Variants in PCDHGA8 observed in about 807,000 individuals in gnomAD.
PCDHGA8 encodes the protein protocadherin gamma-A8.
In PCDHGA8, 45 loss-of-function variants were observed where a neutral mutation model predicts 59.2. The observed-to-expected ratio is 0.76, with a 90% CI of 0.60 to 0.98. The LOEUF (loss-of-function observed/expected upper bound fraction) is 0.98, where lower values mean the gene tolerates loss of function less well. Among genes scored for constraint, PCDHGA8 ranks in the 50% least tolerant of loss-of-function variants. PCDHGA8 has a pLI of 0.00. For missense variants in PCDHGA8, 1,257 were observed against 1,196.2 expected (o/e 1.05, Z -0.75); for synonymous variants, 531 against 519.0 (o/e 1.02, Z -0.32).
rs748828282 is a variant in PCDHGA8 at position 141,491,412 on chromosome 5, C to T, written c.2425-3395C>T. The T allele has an allele frequency of 3.1e-6, 5 of 1,613,944 alleles. No homozygotes were observed. The African/African-American group carries it at 5.3e-5, about 17-fold the overall frequency. Reference sequence around the variant, plus strand: ...GCCTTCAGGGAAACGCAGACGGGGACGGGGGTGGAGGGCAGTGCTGCAGGC... The same window carrying T: ...GCCTTCAGGGAAACGCAGACGGGGATGGGGGTGGAGGGCAGTGCTGCAGGC... On this transcript the variant is annotated intron_variant, in intron 1 of 3. Coordinates refer to ENST00000398604, the MANE Select transcript of PCDHGA8 (RefSeq NM_032088.2). The surrounding 1 kb of genome is among the most constrained non-coding windows in gnomAD (Gnocchi z 6.9).
Position 141,494,842 on chromosome 5 carries a change from G to A in PCDHGA8, c.2460G>A (p.Gln820=). 1 of 1,614,116 alleles carries A rather than the reference G, an allele frequency of 6.2e-7. No homozygotes were observed. Among genetic ancestry groups the A allele is most frequent in the Non-Finnish European group, 8.5e-7 (1 of 1,180,018 alleles). The change falls in exon 2 of 4, where the codon CAG becomes CAA. Residue 820 remains glutamine, a synonymous_variant. Coordinates refer to ENST00000398604, the MANE Select transcript of PCDHGA8 (RefSeq NM_032088.2). ...APPNTDWRFS[Q]AQRPGTSGSQ... is the part of the protein sequence containing the mutation. ...CCAACACGGACTGGCGTTTCTCTCA[G>A]GCCCAGAGACCCGGCACCAGCGGGT... is the stretch of plus-strand genomic sequence containing the variant.
intron 1 of PCDHGA8, among the ~76,000 whole-genome samples, chr5:141,463,896 T>C (rs982611169): frequency 2.0e-5 from 3 of 152,192 alleles, no homozygotes; most frequent in African/African-American, 7.2e-5. Flanking sequence ...CCTTGCTTTT[T>C]GTACTAATAA....
intron 1 of PCDHGA8, chr5:141,404,311 T>G (rs746092761): frequency 1.9e-6 from 3 of 1,613,924 alleles, no homozygotes. Flanking sequence ...CTGCTTTCTC[T>G]CAAGCCTCCT....
rs1414835001 is a variant in PCDHGA8 at position 141,476,225 on chromosome 5, A to T, written c.2425-18582A>T. 1.2e-6 allele frequency: 2 copies of T among 1,613,882 alleles called. No individual in the cohort carries two copies. Among genetic ancestry groups the T allele is most frequent in the Non-Finnish European group, 1.7e-6 (2 of 1,180,012 alleles). ...GGCTTCCACGGTCATTCACTATGAG[A>T]TCCCGGAGGAAAGAGAGAAGGGTTT... On this transcript the variant is annotated intron_variant, in intron 1 of 3. Transcript: ENST00000398604. This position sits in a 1 kb window ranked among gnomAD's most constrained non-coding sequence, Gnocchi z 7.6.
Position 141,489,560 on chromosome 5 carries a change from A to C in PCDHGA8, c.2425-5247A>C, listed in dbSNP as rs749076412. On this transcript the variant is annotated intron_variant, in intron 1 of 3. Coordinates refer to ENST00000398604, the MANE Select transcript of PCDHGA8 (RefSeq NM_032088.2). This position sits in a 1 kb window ranked among gnomAD's most constrained non-coding sequence, Gnocchi z 4.5. Reference sequence around the variant, plus strand: ...AGCACCAGCTGCCTGCTGCCAGTGCAGGTGGTGACTGAACACCCCCTGGAG... The same window carrying C: ...AGCACCAGCTGCCTGCTGCCAGTGCCGGTGGTGACTGAACACCCCCTGGAG... 2 of 1,614,142 alleles carry C rather than the reference A, an allele frequency of 1.2e-6. No individual in the cohort carries two copies. Among genetic ancestry groups the C allele is most frequent in the Admixed American group, 3.3e-5 (2 of 60,024 alleles).
In PCDHGA8 at chr5:141,486,828, G is replaced by T. The variant is rs140257646; in HGVS notation, c.2425-7979G>T. ...CCCCTTAGCAGCACTGTAACAGTTC[G>T]TCTATTTGTGCTGGACCTCAATGAC... On this transcript the variant is annotated intron_variant, in intron 1 of 3. Coordinates refer to ENST00000398604, the MANE Select transcript of PCDHGA8 (RefSeq NM_032088.2). This position sits in a 1 kb window ranked among gnomAD's most constrained non-coding sequence, Gnocchi z 5.0. The T allele has an allele frequency of 8.7e-6, 14 of 1,614,218 alleles. No homozygotes were observed. The highest frequency in any genetic ancestry group is 1.2e-5 in the Non-Finnish European group (14 of 1,180,042).
rs2099615817 is a variant in PCDHGA8 at position 141,485,564 on chromosome 5, C to G, written c.2425-9243C>G. On this transcript the variant is annotated intron_variant, in intron 1 of 3. Coordinates refer to ENST00000398604, the MANE Select transcript of PCDHGA8 (RefSeq NM_032088.2). This position sits in a 1 kb window ranked among gnomAD's most constrained non-coding sequence, Gnocchi z 5.7. ...GATCGTAGATGTGAATGATCACGCCCCCCGTTTTCCGCGGCAGCAGCTGGA... is the reference window on the plus strand; with the variant it reads ...GATCGTAGATGTGAATGATCACGCCGCCCGTTTTCCGCGGCAGCAGCTGGA... 6.2e-7 allele frequency: 1 copy of G among 1,612,958 alleles called. No individual in the cohort carries two copies. The highest frequency in any genetic ancestry group is 8.5e-7 in the Non-Finnish European group (1 of 1,179,052).
rs578223384 is a variant in PCDHGA8, at chr5:141,400,070, C to A, written c.2424+4833C>A. 4 of 1,613,804 alleles carry A rather than the reference C, an allele frequency of 2.5e-6. No individual in the cohort carries two copies. The African/African-American group carries it at 4.0e-5, about 16-fold the overall frequency. On this transcript the variant is annotated intron_variant, in intron 1 of 3. Transcript: ENST00000398604. ...GTTGCTGTGCGTGATGGTGGACAGC[C>A]GCCACTCTCCGCCACCGCCACGCTG...
At chr5:141,509,887 T>C (rs138950510) in intron 3 of PCDHGA8, among the ~76,000 whole-genome samples, 1 of 152,314 alleles carries the variant, frequency 6.6e-6, no homozygotes, top group East Asian at 1.9e-4. Flanking sequence ...TGATGGTGAC[T>C]GACTGTCCCT....
chr5:141,426,590 C>T (rs2096945493), intron 1 of PCDHGA8: 1 of 369,282 alleles, frequency 2.7e-6, no homozygotes, highest in East Asian at 7.4e-5. Context: ...TCCTCTGTGT[C>T]ATACCCTTAG....
chr5:141,431,553 A>T lies in PCDHGA8; in HGVS notation c.2424+36316A>T, dbSNP rs762863300. On this transcript the variant is annotated intron_variant, in intron 1 of 3. Coordinates refer to ENST00000398604, the MANE Select transcript of PCDHGA8 (RefSeq NM_032088.2). The surrounding 1 kb of genome is among the most constrained non-coding windows in gnomAD (Gnocchi z 4.8). Reference sequence around the variant, plus strand: ...TTGGGCACGCAGCTGCTTGTAGTCAACGCTACCGACCCTGACGAAGGAGTC... The same window carrying T: ...TTGGGCACGCAGCTGCTTGTAGTCATCGCTACCGACCCTGACGAAGGAGTC... The T allele has an allele frequency of 1.1e-5, 18 of 1,613,994 alleles. 1 individual carries two copies. Among genetic ancestry groups the T allele is most frequent in the Non-Finnish European group, 3.4e-6 (4 of 1,180,028 alleles).
At chr5:141,396,119 A>T (rs1190344282) in intron 1 of PCDHGA8, 1 of 152,250 alleles carries the variant, frequency 6.6e-6, no homozygotes, top group Non-Finnish European at 1.5e-5. Flanking sequence ...CCAATGTTTC[A>T]GGTACACAAG....
intron 1 of PCDHGA8, chr5:141,403,090 C>T (rs2094352394): frequency 6.2e-7 from 1 of 1,614,068 alleles, no homozygotes; most frequent in Non-Finnish European, 8.5e-7. Context: ...ATATTGTGGG[C>T]AACATCTCCA....
rs768132114 is a variant in PCDHGA8 at position 141,489,845 on chromosome 5, G to A, written c.2425-4962G>A. 5 of 1,614,188 alleles carry A rather than the reference G, an allele frequency of 3.1e-6. No homozygotes were observed. The highest frequency in any genetic ancestry group is 2.2e-5 in the South Asian group (2 of 91,088). On this transcript the variant is annotated intron_variant, in intron 1 of 3. Transcript: ENST00000398604. This position sits in a 1 kb window ranked among gnomAD's most constrained non-coding sequence, Gnocchi z 4.5. ...CTGGTGCTAGAGCAGCAGCTGGATC[G>A]TGAAGCCCAGGCAAGACATCAGCTG...
At position 141,487,670 on chromosome 5, in the gene PCDHGA8, T is replaced by C. The variant is rs2099658277; in HGVS notation, c.2425-7137T>C. 2 of 1,612,302 alleles carry C rather than the reference T, an allele frequency of 1.2e-6. No homozygotes were observed. Among genetic ancestry groups the C allele is most frequent in the Non-Finnish European group, 1.7e-6 (2 of 1,179,082 alleles). On this transcript the variant is annotated intron_variant, in intron 1 of 3. Transcript: ENST00000398604. The surrounding 1 kb of genome is among the most constrained non-coding windows in gnomAD (Gnocchi z 5.0). The stretch of plus-strand genomic sequence containing the variant: ...TGAGGGTTATTCTGATCCAGGCATA[T>C]GGCTAGGCCATGTCCTAGAGAGTAC...
chr5:141,476,986 C>A lies in PCDHGA8; in HGVS notation c.2425-17821C>A. ...CCTTCGGCAGCCACAACCGCGCCGG[C>A]GTGCGGCAACTATTCGCCTTAGACC... On this transcript the variant is annotated intron_variant, in intron 1 of 3. Transcript: ENST00000398604. The surrounding 1 kb of genome is among the most constrained non-coding windows in gnomAD (Gnocchi z 7.6). 6.2e-7 allele frequency: 1 copy of A among 1,614,218 alleles called. No individual in the cohort carries two copies. The highest frequency in any genetic ancestry group is 8.5e-7 in the Non-Finnish European group (1 of 1,180,042).
chr5:141,456,321 G>A (rs2098849819), intron 1 of PCDHGA8, among the ~76,000 whole-genome samples: 1 of 152,154 alleles, frequency 6.6e-6, no homozygotes, highest in African/African-American at 2.4e-5. Context: ...GGCTCCTCCT[G>A]GGGTTGATCT....
chr5:141,406,258 G>C (rs895877034), intron 1 of PCDHGA8, among the ~76,000 whole-genome samples: 13 of 151,882 alleles, frequency 8.6e-5, no homozygotes, highest in South Asian at 2.1e-4. Flanking sequence ...GGTCTCAAAC[G>C]ATCTTCCTGC....
intron 1 of PCDHGA8, among the ~76,000 whole-genome samples, chr5:141,437,723 G>A (rs2097904411): frequency 6.6e-6 from 1 of 150,736 alleles, no homozygotes; most frequent in South Asian, 2.1e-4. Context: ...ACCCTCTAAT[G>A]TTACACTTTG....
Sources: allele counts gnomAD v4.1 joint callset (sites outside exome capture counted in the v4.1 genomes callset), GRCh38; gene constraint gnomAD v4.1.1; non-coding constraint Gnocchi (gnomAD v3.1); transcripts MANE v1.5; gene names NCBI Gene and HGNC (gene_info 2026-07-23, HGNC 2026-07-21).